PLCG1: variants seen among roughly 807,000 people sequenced by gnomAD.
The protein encoded by PLCG1 is 1-phosphatidylinositol 4,5-bisphosphate phosphodiesterase gamma-1.
Under a neutral mutation model 177.8 loss-of-function variants are expected in PLCG1, and 71 were observed. The observed-to-expected ratio is 0.40, with a 90% CI of 0.33 to 0.49. The LOEUF is 0.49. Ranked by LOEUF, PLCG1 falls within the 20% of genes least tolerant of loss-of-function variation. The probability of loss-of-function intolerance (pLI) is 0.72; values close to 1 mark genes in which losing one functional copy is unlikely to be tolerated. For synonymous variants in PLCG1, 658 were observed against 647.9 expected, an observed-to-expected ratio of 1.02 and a Z score of -0.24; for missense variants, 1,281 against 1,709.0, an observed-to-expected ratio of 0.75 and a Z score of 4.42.
rs551736201 is a variant in PLCG1, at chr20:41,160,093, C to T, written c.465-13C>T. The T allele has an allele frequency of 1.2e-6, 2 of 1,614,056 alleles. No individual in the cohort carries two copies. The highest frequency in any genetic ancestry group is 1.3e-5 in the African/African-American group (1 of 75,050). ...ATGGAGAAGTGGCCCTCACCTCAGGCTTCTCTCTCCAGGTGGCTCCGGAAG... is the reference window on the plus strand; with the variant it reads ...ATGGAGAAGTGGCCCTCACCTCAGGTTTCTCTCTCCAGGTGGCTCCGGAAG... On this transcript the variant is annotated splice_polypyrimidine_tract_variant and intron_variant, in intron 3 of 31. Transcript: ENST00000685551. The surrounding 1 kb of genome is among the most constrained non-coding windows in gnomAD (Gnocchi z 5.5).
intron 1 of PLCG1, among the ~76,000 whole-genome samples, chr20:41,138,644 A>T (rs925028487): frequency 3.3e-5 from 5 of 152,028 alleles, no homozygotes; most frequent in Admixed American, 2.0e-4. Context: ...GGAGTCAGGT[A>T]TTCTTCTCAG....
chr20:41,155,133 G>A (rs532675742), intron 1 of PLCG1, among the ~76,000 whole-genome samples: 6 of 152,310 alleles, frequency 3.9e-5, no homozygotes, highest in African/African-American at 1.4e-4. Flanking sequence ...CCCTGGCCTC[G>A]TCATATAACC....
In PLCG1 at chr20:41,164,173, A is replaced by G. The variant is rs2035606015; in HGVS notation, c.1189A>G (p.Ile397Val). The G allele has an allele frequency of 1.2e-6, 2 of 1,613,922 alleles. No individual in the cohort carries two copies. Among genetic ancestry groups the G allele is most frequent in the African/African-American group, 2.7e-5 (2 of 74,882 alleles). ...KIKFSDVLHT[I>V]KEHAFVASEY... ...CAAGTTCTCAGATGTCCTGCACACCATCAAGGAGCATGCCTTTGTGGCCTC... is the reference window on the plus strand; with the variant it reads ...CAAGTTCTCAGATGTCCTGCACACCGTCAAGGAGCATGCCTTTGTGGCCTC... Residue 397 changes from isoleucine (I) to valine (V), a missense_variant, in exon 12 of 32, where the codon ATC becomes GTC. By Grantham distance (29) the Ile-to-Val change is conservative. Transcript: ENST00000685551. This position sits in a 1 kb window ranked among gnomAD's most constrained non-coding sequence, Gnocchi z 6.4.
chr20:41,144,459 G>A lies in PLCG1; in HGVS notation c.217+6601G>A, dbSNP rs1673524975. On this transcript the variant is annotated intron_variant, in intron 1 of 31. Coordinates refer to ENST00000685551, the MANE Select transcript of PLCG1 (RefSeq NM_002660.3). This position sits in a 1 kb window ranked among gnomAD's most constrained non-coding sequence, Gnocchi z 4.1. ...CAAAACCCGTCCTGCACTCATCCTT[G>A]CCACAACACCGGTGTCGAGATGCTT... Among the ~76,000 whole-genome samples, 2 of 152,072 alleles carry A rather than the reference G, an allele frequency of 1.3e-5. No individual in the cohort carries two copies. Among genetic ancestry groups the A allele is most frequent in the Admixed American group, 1.3e-4 (2 of 15,262 alleles).
chr20:41,150,582 A>G lies in PLCG1; in HGVS notation c.218-9024A>G, dbSNP rs1221406887. Among the ~76,000 whole-genome samples the G allele has an allele frequency of 6.6e-6, 1 of 152,152 alleles. No individual in the cohort carries two copies. Among genetic ancestry groups the G allele is most frequent in the Non-Finnish European group, 1.5e-5 (1 of 68,016 alleles). Reference sequence around the variant, plus strand: ...CAGAGGCTGACCCATGGCTGCCTGGAGAATCTTCTGGGCTTGTGCAGAAAA... The same window carrying G: ...CAGAGGCTGACCCATGGCTGCCTGGGGAATCTTCTGGGCTTGTGCAGAAAA... On this transcript the variant is annotated intron_variant, in intron 1 of 31. Transcript: ENST00000685551. This position sits in a 1 kb window ranked among gnomAD's most constrained non-coding sequence, Gnocchi z 4.0.
chr20:41,164,886 A>C lies in PLCG1; in HGVS notation c.1218-47A>C. 6.3e-7 allele frequency: 1 copy of C among 1,581,396 alleles called. No homozygotes were observed. The highest frequency in any genetic ancestry group is 8.6e-7 in the Non-Finnish European group (1 of 1,158,030). Reference sequence around the variant, plus strand: ...TCACTGTGAGGGGCTACTTAGACCCAGAGAATTGCAGAATCTGTTTCACTG... The same window carrying C: ...TCACTGTGAGGGGCTACTTAGACCCCGAGAATTGCAGAATCTGTTTCACTG... On this transcript the variant is annotated intron_variant, in intron 12 of 31. Transcript: ENST00000685551. This position sits in a 1 kb window ranked among gnomAD's most constrained non-coding sequence, Gnocchi z 6.4.
chr20:41,166,889 CAG>C lies in PLCG1; in HGVS notation c.2301+31_2301+32del, dbSNP rs757550352. On this transcript the variant is annotated intron_variant, in intron 19 of 31. Coordinates refer to ENST00000685551, the MANE Select transcript of PLCG1 (RefSeq NM_002660.3). The surrounding 1 kb of genome is among the most constrained non-coding windows in gnomAD (Gnocchi z 8.6). ...GGGGGCTGTGGTAGACGGGGCATGGCAGGGGAGGCAGGAGAGACCCAGAATCT... is the reference window on the plus strand; with the variant it reads ...GGGGGCTGTGGTAGACGGGGCATGGCGGGAGGCAGGAGAGACCCAGAATCT... 1.6e-5 allele frequency: 25 copies of C among 1,594,824 alleles called. No individual in the cohort carries two copies. Among genetic ancestry groups the C allele is most frequent in the Non-Finnish European group, 2.1e-5 (24 of 1,163,026 alleles).
At chr20:41,169,012 C>A in intron 21 of PLCG1, 67 bp from the exon 22 acceptor site, 2 of 1,338,956 alleles carry the variant, frequency 1.5e-6, no homozygotes, top group South Asian at 1.2e-5. Flanking sequence ...GAACCCCTAC[C>A]AAAGGATACC....
In PLCG1 at chr20:41,156,924, A is replaced by G. The variant is rs1378036260; in HGVS notation, c.218-2682A>G. ...CTCTCAAGAAAGAGGATGCTGCCATATTTGTTCTGGGAGGCAGGAAGATGA... is the reference window on the plus strand; with the variant it reads ...CTCTCAAGAAAGAGGATGCTGCCATGTTTGTTCTGGGAGGCAGGAAGATGA... On this transcript the variant is annotated intron_variant, in intron 1 of 31. Coordinates refer to ENST00000685551, the MANE Select transcript of PLCG1 (RefSeq NM_002660.3). The surrounding 1 kb of genome is among the most constrained non-coding windows in gnomAD (Gnocchi z 5.0). Among the ~76,000 whole-genome samples, 3 of 152,172 alleles carry G rather than the reference A, an allele frequency of 2.0e-5. No homozygotes were observed. The highest frequency in any genetic ancestry group is 2.9e-5 in the Non-Finnish European group (2 of 68,024).
Position 41,148,387 on chromosome 20 carries a change from C to T in PLCG1, c.217+10529C>T, listed in dbSNP as rs867932669. The stretch of plus-strand genomic sequence containing the variant: ...CCCCCACCACTATGAGTCCTAGGCC[C>T]CTGTTGTTTCCTTGTAGGAGGGAGA... On this transcript the variant is annotated intron_variant, in intron 1 of 31. Coordinates refer to ENST00000685551, the MANE Select transcript of PLCG1 (RefSeq NM_002660.3). This position sits in a 1 kb window ranked among gnomAD's most constrained non-coding sequence, Gnocchi z 4.3. Among the ~76,000 whole-genome samples the T allele has an allele frequency of 1.2e-4, 18 of 152,090 alleles. No homozygotes were observed. Among genetic ancestry groups the T allele is most frequent in the African/African-American group, 4.3e-4 (18 of 41,416 alleles).
Position 41,151,825 on chromosome 20 carries a change from A to C in PLCG1, c.218-7781A>C, listed in dbSNP as rs1164185411. ...CTTTGTCTCTTCTTTGGCTACCTCC[A>C]TCCTTTTCCTTCAGAGCTGCAAAAA... is the stretch of plus-strand genomic sequence containing the variant. On this transcript the variant is annotated intron_variant, in intron 1 of 31. Transcript: ENST00000685551. This position sits in a 1 kb window ranked among gnomAD's most constrained non-coding sequence, Gnocchi z 5.5. Among the ~76,000 whole-genome samples, 1 of 152,074 alleles carries C rather than the reference A, an allele frequency of 6.6e-6. No individual in the cohort carries two copies. The highest frequency in any genetic ancestry group is 1.5e-5 in the Non-Finnish European group (1 of 68,002).
At chr20:41,161,313 G>T (rs2035488002) in intron 4 of PLCG1, among the ~76,000 whole-genome samples, 1 of 152,172 alleles carries the variant, frequency 6.6e-6, no homozygotes, top group African/African-American at 2.4e-5. Flanking sequence ...CTAGCGGTGA[G>T]GGGCTCAAGG....
At position 41,173,862 on chromosome 20, in the gene PLCG1, T is replaced by G. The variant is rs562966440; in HGVS notation, c.3556+49T>G. 2.7e-4 allele frequency: 438 copies of G among 1,610,132 alleles called. 3 individuals are homozygous for G. In the South Asian group the frequency reaches 4.7e-3, roughly 17 times the overall value. The stretch of plus-strand genomic sequence containing the variant: ...TGCCCCTGCAATCTTGCTGGCAGGG[T>G]GGGGCTGGGCCCCTTGCTCTGTCCC... On this transcript the variant is annotated intron_variant, in intron 29 of 31. Transcript: ENST00000685551. This position sits in a 1 kb window ranked among gnomAD's most constrained non-coding sequence, Gnocchi z 6.2.
Position 41,173,804 on chromosome 20 carries a change from C to T in PLCG1, c.3547C>T (p.Leu1183=). 1 of 1,613,764 alleles carries T rather than the reference C, an allele frequency of 6.2e-7. No individual in the cohort carries two copies. ...LAQATFPVKG[L]KTGYRAVPLK... ...TCAGGCTACTTTCCCAGTAAAAGGC[C>T]TGAAGACAGGTGAGGACCATTCCTG... The change falls in exon 29 of 32, where the codon CTG becomes TTG. Residue 1183 remains leucine (L), a synonymous_variant. Transcript: ENST00000685551. The surrounding 1 kb of genome is among the most constrained non-coding windows in gnomAD (Gnocchi z 6.2).
In PLCG1 at chr20:41,173,284, G is replaced by A; in HGVS notation, c.3280-136G>A. 1 of 846,594 alleles carries A rather than the reference G, an allele frequency of 1.2e-6. No homozygotes were observed. The highest frequency in any genetic ancestry group is 1.8e-6 in the Non-Finnish European group (1 of 553,690). The allele number at this position is 846,594 out of a possible 1,614,324, so 52.4% of individuals were successfully genotyped here. On this transcript the variant is annotated intron_variant, in intron 27 of 31. Coordinates refer to ENST00000685551, the MANE Select transcript of PLCG1 (RefSeq NM_002660.3). This position sits in a 1 kb window ranked among gnomAD's most constrained non-coding sequence, Gnocchi z 6.2. The stretch of plus-strand genomic sequence containing the variant: ...GCTTAGGGTCCCTGATGTCGTGAGG[G>A]ACTCCATGGGCAGTGTCCCGGGGGC...
chr20:41,175,792 G>C lies in PLCG1; in HGVS notation c.*1283G>C, dbSNP rs558215724. The C allele has an allele frequency of 1.3e-5, 2 of 152,614 alleles. No homozygotes were observed. The highest frequency in any genetic ancestry group is 2.9e-5 in the Non-Finnish European group (2 of 68,034). The allele number at this position is 152,614 out of a possible 1,614,324, so 9.5% of individuals were successfully genotyped here. Reference sequence around the variant, plus strand: ...TGGGACATGCTCACTAGAAACAGTCGCCAGATGATTATTCTGCAGTAGAAG... The same window carrying C: ...TGGGACATGCTCACTAGAAACAGTCCCCAGATGATTATTCTGCAGTAGAAG... On this transcript the variant is annotated 3_prime_UTR_variant, in exon 32 of 32. Transcript: ENST00000685551.
At position 41,149,867 on chromosome 20, in the gene PLCG1, TG is replaced by T. The variant is rs1216648823; in HGVS notation, c.218-9738del. Among the ~76,000 whole-genome samples the T allele has an allele frequency of 2.6e-5, 4 of 152,296 alleles. No individual in the cohort carries two copies. The East Asian group carries it at 7.7e-4, about 29-fold the overall frequency. The stretch of plus-strand genomic sequence containing the variant: ...AGAGGGCGTGATCAACCATGTTGAT[TG>T]CTCTGAGGTGTCAGGAAGGAGGACC... On this transcript the variant is annotated intron_variant, in intron 1 of 31. Transcript: ENST00000685551.
At chr20:41,138,673 A>G (rs116439918) in intron 1 of PLCG1, among the ~76,000 whole-genome samples, 1 of 151,950 alleles carries the variant, frequency 6.6e-6, no homozygotes, top group African/African-American at 2.4e-5. Flanking sequence ...CTAGTTTGTG[A>G]GTCTAGCCCT....
chr20:41,162,940 A>G lies in PLCG1; in HGVS notation c.682-18A>G, dbSNP rs779019485. On this transcript the variant is annotated intron_variant, in intron 6 of 31. Transcript: ENST00000685551. ...GCCTCCCAGGGGTCTTGCCCTGACCAGGTTCTGTTTCCTGCAGATGGACCT... is the reference window on the plus strand; with the variant it reads ...GCCTCCCAGGGGTCTTGCCCTGACCGGGTTCTGTTTCCTGCAGATGGACCT... 3.1e-6 allele frequency: 5 copies of G among 1,613,164 alleles called. No homozygotes were observed. The African/African-American group carries it at 4.0e-5, about 13-fold the overall frequency.
Sources: allele counts gnomAD v4.1 joint callset (sites outside exome capture counted in the v4.1 genomes callset), GRCh38; gene constraint gnomAD v4.1.1; non-coding constraint Gnocchi (gnomAD v3.1); transcripts MANE v1.5; gene names NCBI Gene and HGNC (gene_info 2026-07-23, HGNC 2026-07-21).